MSL2: variants seen among roughly 807,000 people sequenced by gnomAD.
MSL2 encodes MSL complex subunit 2, also known as E3 ubiquitin-protein ligase MSL2.
MSL2 carries 2 observed loss-of-function variants against 35.8 expected under a neutral mutation model. The observed-to-expected ratio is 0.06, with a 90% CI of 0.02 to 0.18. MSL2 has a LOEUF of 0.18. Ranked by LOEUF, MSL2 falls within the 10% of genes least tolerant of loss-of-function variation. The probability of loss-of-function intolerance (pLI) is 1.00; values close to 1 mark genes in which losing one functional copy is unlikely to be tolerated. For missense variants in MSL2, 523 were observed against 706.7 expected (o/e 0.74, Z 2.95); for synonymous variants, 296 against 255.7 (o/e 1.16, Z -1.50).
intron 1 of MSL2, among the ~76,000 whole-genome samples, chr3:136,170,455 C>T (rs1468297018): frequency 1.3e-5 from 2 of 148,688 alleles, no homozygotes; most frequent in Non-Finnish European, 3.0e-5. Flanking sequence ...TTCAAATATA[C>T]TTCACAGCTT....
At chr3:136,169,707 C>T (rs374894531) in intron 1 of MSL2, among the ~76,000 whole-genome samples, 1 of 151,936 alleles carries the variant, frequency 6.6e-6, no homozygotes, top group Non-Finnish European at 1.5e-5. Flanking sequence ...CCTGCCTCGG[C>T]CTCCCAAAGT....
Position 136,194,888 on chromosome 3 carries a change from A to T in MSL2, c.142+84T>A. On this transcript the variant is annotated intron_variant, in intron 1 of 1. Coordinates refer to ENST00000309993, the MANE Select transcript of MSL2 (RefSeq NM_018133.4). ...TAACAAAAGCTTAATACCAACCACCAGGCCGTCAACCCGCTCACGTTACCA... is the reference window on the plus strand; with the variant it reads ...TAACAAAAGCTTAATACCAACCACCTGGCCGTCAACCCGCTCACGTTACCA... 1.3e-6 allele frequency: 2 copies of T among 1,580,502 alleles called. 1 individual carries two copies.
At chr3:136,157,625 C>G (rs1939572036) in intron 1 of MSL2, among the ~76,000 whole-genome samples, 1 of 151,990 alleles carries the variant, frequency 6.6e-6, no homozygotes, top group Admixed American at 6.6e-5. Context: ...TCAAAGAAAA[C>G]AAGAATACAA....
intron 1 of MSL2, among the ~76,000 whole-genome samples, chr3:136,193,028 A>C (rs530587990): frequency 8.5e-5 from 13 of 152,344 alleles, no homozygotes; most frequent in African/African-American, 3.1e-4. Flanking sequence ...GGAGAAGCAG[A>C]ACTCACGATC....
chr3:136,160,817 A>T (rs1018126511), intron 1 of MSL2, among the ~76,000 whole-genome samples: 2 of 152,146 alleles, frequency 1.3e-5, no homozygotes, highest in African/African-American at 4.8e-5. Context: ...AGCCGGGCAC[A>T]GTGGCTCACA....
chr3:136,182,689 C>A (rs1050862062), intron 1 of MSL2, among the ~76,000 whole-genome samples: 1 of 150,328 alleles, frequency 6.7e-6, no homozygotes, highest in African/African-American at 2.5e-5. Context: ...GCACTCCAGC[C>A]TGGGAGACAG....
chr3:136,184,449 A>G (rs867792447), intron 1 of MSL2, among the ~76,000 whole-genome samples: 42 of 151,914 alleles, frequency 2.8e-4, no homozygotes, highest in Middle Eastern at 6.8e-3. Context: ...AAACACAAAA[A>G]AAAATGAGCT....
At chr3:136,181,536 C>T (rs1267061751) in intron 1 of MSL2, among the ~76,000 whole-genome samples, 1 of 152,046 alleles carries the variant, frequency 6.6e-6, no homozygotes, top group Non-Finnish European at 1.5e-5. Flanking sequence ...TTCTTGGGCC[C>T]GATTACTAAG....
chr3:136,156,126 T>C (rs2108062136), intron 1 of MSL2: 1 of 184,688 alleles, frequency 5.4e-6, no homozygotes, highest in Admixed American at 5.9e-5. Context: ...TCTTGATACA[T>C]GTAATTCTAC....
In MSL2 at chr3:136,151,919, G is replaced by T; in HGVS notation, c.962C>A (p.Pro321His). ...TGTACATGATAACCCATGAAGTGCAGGACTGGTGGACATAAAAACATTATG... is the reference window on the plus strand; with the variant it reads ...TGTACATGATAACCCATGAAGTGCATGACTGGTGGACATAAAAACATTATG... ...LSHNVFMSTS[P>H]ALHGLSCTAA... is the part of the protein sequence containing the mutation. The change falls in exon 2 of 2, where the codon CCT becomes CAT. Residue 321 changes from proline to histidine, a missense_variant. Pro to His is a moderately conservative substitution (Grantham distance 77). This residue lies in a region of MSL2 where 361 missense variants were observed against 414.6 expected (regional missense o/e 0.87). Coordinates refer to ENST00000309993, the MANE Select transcript of MSL2 (RefSeq NM_018133.4). This position sits in a 1 kb window ranked among gnomAD's most constrained non-coding sequence, Gnocchi z 5.2. 1 of 1,614,178 alleles carries T rather than the reference G, an allele frequency of 6.2e-7. No homozygotes were observed. The highest frequency in any genetic ancestry group is 8.5e-7 in the Non-Finnish European group (1 of 1,180,048).
intron 1 of MSL2, among the ~76,000 whole-genome samples, chr3:136,161,935 T>C (rs553568112): frequency 2.0e-5 from 3 of 151,972 alleles, no homozygotes; most frequent in South Asian, 2.1e-4. Context: ...AAAATACATA[T>C]ATATGCATTT....
chr3:136,188,687 C>G (rs1256273677), intron 1 of MSL2, among the ~76,000 whole-genome samples: 2 of 146,850 alleles, frequency 1.4e-5, no homozygotes, highest in Non-Finnish European at 3.0e-5. Flanking sequence ...CATCGAGCCA[C>G]TGCACTCCAG....
At chr3:136,178,101 C>T (rs1445207596) in intron 1 of MSL2, among the ~76,000 whole-genome samples, 1 of 152,302 alleles carries the variant, frequency 6.6e-6, no homozygotes, top group South Asian at 2.1e-4. Context: ...AGACCCACAA[C>T]ATATTCATAT....
intron 1 of MSL2, among the ~76,000 whole-genome samples, chr3:136,184,468 T>C (rs1298034344): frequency 1.3e-5 from 2 of 151,302 alleles, no homozygotes; most frequent in Non-Finnish European, 1.5e-5. Context: ...CTGGGCATGA[T>C]GGCAGGAGCC....
chr3:136,185,854 G>A (rs761851363), intron 1 of MSL2, among the ~76,000 whole-genome samples: 4 of 151,996 alleles, frequency 2.6e-5, no homozygotes, highest in Non-Finnish European at 4.4e-5. Flanking sequence ...ACGCTGAAGG[G>A]CAAAATTTTA....
chr3:136,185,134 C>T (rs1940482031), intron 1 of MSL2, among the ~76,000 whole-genome samples: 1 of 151,988 alleles, frequency 6.6e-6, no homozygotes, highest in African/African-American at 2.4e-5. Context: ...GCCACCACAC[C>T]CGGCTTATTT....
chr3:136,154,868 G>T (rs1479025481), intron 1 of MSL2, among the ~76,000 whole-genome samples: 1 of 152,104 alleles, frequency 6.6e-6, no homozygotes, highest in Non-Finnish European at 1.5e-5. Context: ...ACCAGCTTGG[G>T]CAAGACAGCA....
intron 1 of MSL2, among the ~76,000 whole-genome samples, chr3:136,185,556 A>T: frequency 7.5e-6 from 1 of 133,664 alleles, no homozygotes; most frequent in Non-Finnish European, 1.6e-5. Flanking sequence ...GGGTGGGGGA[A>T]GGGACAGAGT....
At chr3:136,192,850 G>C (rs759422506) in intron 1 of MSL2, among the ~76,000 whole-genome samples, 8 of 152,182 alleles carry the variant, frequency 5.3e-5, no homozygotes, top group Non-Finnish European at 1.0e-4. Flanking sequence ...AAGGAAAAAA[G>C]TCTAGTACAT....
Sources: gnomAD v4.1 joint callset for allele counts (sites outside exome capture counted in the v4.1 genomes callset) on GRCh38, gnomAD v4.1.1 for gene constraint, gnomAD v4.1.1 regional missense constraint, Gnocchi (gnomAD v3.1) non-coding constraint, MANE v1.5 for transcripts, NCBI Gene and HGNC (gene_info 2026-07-23, HGNC 2026-07-21) for gene names.